FGGY: variants seen among roughly 807,000 people sequenced by gnomAD.
The protein encoded by FGGY is FGGY carbohydrate kinase domain-containing protein.
Under a neutral mutation model 71.3 loss-of-function variants are expected in FGGY, and 72 were observed. The ratio of observed to expected loss-of-function variants is 1.01; its 90% CI spans 0.84 to 1.23. The LOEUF is 1.23. FGGY is among the 50% of genes most tolerant of loss of function. FGGY has a pLI of 0.00. For synonymous variants in FGGY, 251 were observed against 250.3 expected (o/e 1.00, Z -0.02); for missense variants, 668 against 682.3 (o/e 0.98, Z 0.23).
rs551032790 is a variant in FGGY at position 59,426,758 on chromosome 1, G to A, written c.555-30203G>A. Among the ~76,000 whole-genome samples, 338 of 152,046 alleles carry A rather than the reference G, an allele frequency of 2.2e-3. 1 individual carries two copies. Among genetic ancestry groups the A allele is most frequent in the Non-Finnish European group, 3.0e-3 (202 of 68,002 alleles). On this transcript the variant is annotated intron_variant, in intron 5 of 15. Transcript: ENST00000303721. ...CTGCCTGCTTGCTCCGCAATCCCTA[G>A]AACTGTGTCTAGAACCTTAGTTGGT... is the stretch of plus-strand genomic sequence containing the variant.
chr1:59,436,890 A>G (rs1170368226), intron 5 of FGGY, among the ~76,000 whole-genome samples: 1 of 152,190 alleles, frequency 6.6e-6, no homozygotes, highest in African/African-American at 2.4e-5. Context: ...GCCTAAGGCC[A>G]CTGTCCTTGG....
chr1:59,304,876 A>C (rs2043223347), intron 1 of FGGY, among the ~76,000 whole-genome samples: 1 of 152,072 alleles, frequency 6.6e-6, no homozygotes, highest in African/African-American at 2.4e-5. Context: ...ATTGTTAGTG[A>C]ATAGAAATGC....
At chr1:59,452,653 T>C (rs1424801793) in intron 5 of FGGY, among the ~76,000 whole-genome samples, 2 of 152,228 alleles carry the variant, frequency 1.3e-5, no homozygotes, top group African/African-American at 2.4e-5. Context: ...GTTTTTAGTA[T>C]CTATTCTGCA....
At chr1:59,374,566 A>C (rs2058309146) in intron 4 of FGGY, among the ~76,000 whole-genome samples, 1 of 152,164 alleles carries the variant, frequency 6.6e-6, no homozygotes, top group Non-Finnish European at 1.5e-5. Context: ...ATATACCCAA[A>C]GGACTATAAA....
chr1:59,321,438 G>T (rs2046361675), intron 1 of FGGY, 98 bp from the exon 2 acceptor site: 4 of 1,064,416 alleles, frequency 3.8e-6, no homozygotes, highest in African/African-American at 1.6e-5. Flanking sequence ...TACCGGTTAG[G>T]TAGCGGTACC....
At chr1:59,548,952 G>C (rs2095566902) in intron 7 of FGGY, among the ~76,000 whole-genome samples, 1 of 152,168 alleles carries the variant, frequency 6.6e-6, no homozygotes, top group South Asian at 2.1e-4. Context: ...ACATAAAGAA[G>C]ATAAGAAATC....
At chr1:59,757,403 G>C (rs1010571416) in intron 14 of FGGY, among the ~76,000 whole-genome samples, 1 of 152,166 alleles carries the variant, frequency 6.6e-6, no homozygotes, top group Non-Finnish European at 1.5e-5. Context: ...GACTCAGCCC[G>C]GAGGTCTCAG....
At chr1:59,409,189 G>A (rs898573900) in intron 5 of FGGY, among the ~76,000 whole-genome samples, 1 of 152,064 alleles carries the variant, frequency 6.6e-6, no homozygotes, top group South Asian at 2.1e-4. Flanking sequence ...TTGCTTAGGA[G>A]GATTAAACAA....
chr1:59,499,500 C>A (rs1044071845), intron 6 of FGGY, among the ~76,000 whole-genome samples: 4 of 151,822 alleles, frequency 2.6e-5, no homozygotes, highest in African/African-American at 9.7e-5. Context: ...TGGAATTTTC[C>A]ATTTAATATT....
chr1:59,419,541 ATCT>A (rs2065053904), intron 5 of FGGY, among the ~76,000 whole-genome samples: 2 of 152,182 alleles, frequency 1.3e-5, no homozygotes, highest in Admixed American at 1.3e-4. Flanking sequence ...CCAAGTATTC[ATCT>A]GAGAACATCT....
chr1:59,667,440 G>A, intron 13 of FGGY, 37 bp downstream of exon 13: 2 of 1,607,964 alleles, frequency 1.2e-6, no homozygotes, highest in South Asian at 2.2e-5. Flanking sequence ...TCACTTTTTG[G>A]CTTGGCAGCA....
At chr1:59,373,909 T>G (rs1306674522) in intron 4 of FGGY, among the ~76,000 whole-genome samples, 1 of 152,174 alleles carries the variant, frequency 6.6e-6, no homozygotes, top group African/African-American at 2.4e-5. Context: ...TAATTCAAGA[T>G]GGATTAAAGA....
chr1:59,357,297 G>C (rs1248663988), intron 4 of FGGY, among the ~76,000 whole-genome samples: 1 of 151,458 alleles, frequency 6.6e-6, no homozygotes, highest in African/African-American at 2.4e-5. Context: ...AAAAAAAGTT[G>C]TTGGCCAGAT....
At chr1:59,709,535 C>CCA in intron 14 of FGGY, among the ~76,000 whole-genome samples, 1 of 151,822 alleles carries the variant, frequency 6.6e-6, no homozygotes, top group East Asian at 1.9e-4. Flanking sequence ...GAAATGCCGC[C>CCA]CACAGGTGGA....
At chr1:59,439,007 A>T (rs1371595758) in intron 5 of FGGY, among the ~76,000 whole-genome samples, 1 of 152,168 alleles carries the variant, frequency 6.6e-6, no homozygotes. Context: ...TCTACTTCAT[A>T]ATCTACTCTC....
intron 4 of FGGY, among the ~76,000 whole-genome samples, chr1:59,358,494 C>T (rs2054780366): frequency 6.6e-6 from 1 of 151,992 alleles, no homozygotes; most frequent in Non-Finnish European, 1.5e-5. Context: ...CCCGCCCTGC[C>T]ACCCCCCCGC....
chr1:59,746,251 C>T (rs1258608701), intron 14 of FGGY, among the ~76,000 whole-genome samples: 1 of 152,040 alleles, frequency 6.6e-6, no homozygotes, highest in Non-Finnish European at 1.5e-5. Flanking sequence ...GAGGAACAGG[C>T]TTTTTTGCCT....
chr1:59,403,431 A>C (rs545854179), intron 5 of FGGY, among the ~76,000 whole-genome samples: 73 of 152,306 alleles, frequency 4.8e-4, no homozygotes, highest in African/African-American at 1.7e-3. Context: ...AGACGATTGC[A>C]TTGCAGTATA....
rs201589585 is a variant in FGGY, at chr1:59,321,646, C to A, written c.97C>A (p.Leu33Met). 7 of 1,613,634 alleles carry A rather than the reference C, an allele frequency of 4.3e-6. No individual in the cohort carries two copies. In the Admixed American group the frequency reaches 1.2e-4, roughly 27 times the overall value. The change falls in exon 2 of 16, where the codon CTG (leucine) becomes ATG (methionine). Residue 33 changes from leucine (L) to methionine (M), a missense_variant. By Grantham distance (15) the Leu-to-Met change is conservative (BLOSUM62 2). Transcript: ENST00000303721. ...AGCTCTGGTGGACCAGAGTGGGGTCCTGTTGGCTTTTGCAGACCAGCCAAT... is the reference window on the plus strand; with the variant it reads ...AGCTCTGGTGGACCAGAGTGGGGTCATGTTGGCTTTTGCAGACCAGCCAAT... Reference protein sequence around the residue: ...RAALVDQSGVLLAFADQPIKN... With the variant: ...RAALVDQSGVMLAFADQPIKN...
Sources: gnomAD v4.1 joint callset for allele counts (sites outside exome capture counted in the v4.1 genomes callset) on GRCh38, gnomAD v4.1.1 for gene constraint, MANE v1.5 for transcripts, NCBI Gene and HGNC (gene_info 2026-07-23, HGNC 2026-07-21) for gene names.